The following CD38 variants were observed in gnomAD, a reference collection of about 807,000 sequenced individuals.
The protein encoded by CD38 is CD38 molecule, also known as ADP-ribosyl cyclase/cyclic ADP-ribose hydrolase 1.
A neutral mutation model predicts 36.3 loss-of-function variants in CD38; 31 were observed. That is an observed-to-expected ratio of 0.85 (90% CI 0.64 to 1.15). The LOEUF is 1.15. CD38 is among the 50% of genes most tolerant of loss of function. The probability of loss-of-function intolerance (pLI) is 0.00; values close to 1 mark genes in which losing one functional copy is unlikely to be tolerated. For synonymous variants in CD38, 131 were observed against 135.2 expected, an observed-to-expected ratio of 0.97 and a Z score of 0.22; for missense variants, 380 against 371.9, an observed-to-expected ratio of 1.02 and a Z score of -0.18.
intron 3 of CD38, among the ~76,000 whole-genome samples, chr4:15,833,164 C>A (rs1351396110): frequency 6.6e-6 from 1 of 152,162 alleles, no homozygotes; most frequent in Non-Finnish European, 1.5e-5. Flanking sequence ...GAAATGCTAT[C>A]CAAGAGCCAC....
At chr4:15,802,491 G>GTTCTATTTTATTTTA (rs1723248405) in intron 1 of CD38, among the ~76,000 whole-genome samples, 1 of 134,110 alleles carries the variant, frequency 7.5e-6, no homozygotes, top group Non-Finnish European at 1.6e-5. Context: ...GCAATTGTTT[G>GTTCTATTTTATTTTA]TTTTATTTTA....
rs569036346 is a variant in CD38 at position 15,781,668 on chromosome 4, C to T, written c.233+3021C>T. 9.9e-5 allele frequency among the ~76,000 whole-genome samples: 15 copies of T among 152,252 alleles called. No homozygotes were observed. In the East Asian group the frequency reaches 1.4e-3, roughly 14 times the overall value. ...TTATGAAGGGTAACATGCTTTACAC[C>T]GAGTCTCCTGACTTAAAATCTAAAA... is the stretch of plus-strand genomic sequence containing the variant. On this transcript the variant is annotated intron_variant, in intron 1 of 7. Coordinates refer to ENST00000226279, the MANE Select transcript of CD38 (RefSeq NM_001775.4).
rs532802770 is a variant in CD38 at position 15,848,744 on chromosome 4, T to C, written c.*142T>C. The C allele has an allele frequency of 4.7e-5, 27 of 571,242 alleles. No homozygotes were observed. In the South Asian group the frequency reaches 6.9e-4, roughly 15 times the overall value. The allele number at this position is 571,242 out of a possible 1,614,324, so 35.4% of individuals were successfully genotyped here. On this transcript the variant is annotated 3_prime_UTR_variant, in exon 8 of 8. Coordinates refer to ENST00000226279, the MANE Select transcript of CD38 (RefSeq NM_001775.4). ...TCAATGCCAGAGACGGAAGCCTTTT[T>C]CCCCAAAGTCTTAAAATAACTTATA... is the stretch of plus-strand genomic sequence containing the variant.
At chr4:15,839,863 G>A (rs149280856) in intron 5 of CD38, among the ~76,000 whole-genome samples, 163 bp from the exon 6 acceptor site, 76 of 152,160 alleles carry the variant, frequency 5.0e-4, no homozygotes, top group African/African-American at 1.8e-3. Flanking sequence ...TTAACCGAGG[G>A]TCATGCTGAA....
chr4:15,822,959 G>C (rs1374095680), intron 2 of CD38, among the ~76,000 whole-genome samples: 2 of 151,988 alleles, frequency 1.3e-5, no homozygotes, highest in African/African-American at 4.8e-5. Context: ...TGCCAAAATA[G>C]CATGGTACTT....
At chr4:15,819,114 CTCA>C (rs1723676189) in intron 2 of CD38, among the ~76,000 whole-genome samples, 1 of 111,826 alleles carries the variant, frequency 8.9e-6, no homozygotes, top group Non-Finnish European at 2.4e-5. Context: ...CATGTTCTCA[CTCA>C]TAAGTGGGAG....
intron 1 of CD38, among the ~76,000 whole-genome samples, chr4:15,804,909 G>A (rs933324208): frequency 6.6e-6 from 1 of 151,964 alleles, no homozygotes; most frequent in Non-Finnish European, 1.5e-5. Flanking sequence ...GTACTGAGAG[G>A]AGAAAATTTT....
intron 1 of CD38, among the ~76,000 whole-genome samples, chr4:15,782,808 A>G (rs750900159): frequency 5.9e-5 from 9 of 152,108 alleles, no homozygotes; most frequent in South Asian, 2.1e-4. Context: ...TTTTCCAAAC[A>G]TCTCTCAACA....
chr4:15,823,221 C>A (rs1003264702), intron 2 of CD38, among the ~76,000 whole-genome samples: 1 of 152,126 alleles, frequency 6.6e-6, no homozygotes, highest in South Asian at 2.1e-4. Context: ...ACTATAAAAA[C>A]CTTAGAAGAA....
At chr4:15,799,017 G>C (rs138643680) in intron 1 of CD38, among the ~76,000 whole-genome samples, 1 of 152,114 alleles carries the variant, frequency 6.6e-6, no homozygotes, top group African/African-American at 2.4e-5. Flanking sequence ...ATTTACTAAA[G>C]ATTTAAATAT....
At position 15,849,867 on chromosome 4, in the gene CD38, A is replaced by G. The variant is rs1256830983; in HGVS notation, c.*1265A>G. On this transcript the variant is annotated 3_prime_UTR_variant, in exon 8 of 8. Coordinates refer to ENST00000226279, the MANE Select transcript of CD38 (RefSeq NM_001775.4). ...TTGTATACATAGATTTTAGGACGAT[A>G]TATTTTCCCTTGAGTTCTGCTTTAG... 6.6e-6 allele frequency: 1 copy of G among 152,098 alleles called. No individual in the cohort carries two copies. Among genetic ancestry groups the G allele is most frequent in the African/African-American group, 2.4e-5 (1 of 41,404 alleles). The allele number at this position is 152,098 out of a possible 1,614,324, so 9.4% of individuals were successfully genotyped here. A position where few individuals can be genotyped will look rare whatever the true frequency, so the allele number is the denominator to read the frequency against.
At chr4:15,819,012 A>G (rs1723673177) in intron 2 of CD38, among the ~76,000 whole-genome samples, 1 of 152,212 alleles carries the variant, frequency 6.6e-6, no homozygotes, top group Non-Finnish European at 1.5e-5. Context: ...GCCCCTAAAA[A>G]GAGATGAGTT....
chr4:15,790,474 G>C (rs1178645236), intron 1 of CD38, among the ~76,000 whole-genome samples: 1 of 148,466 alleles, frequency 6.7e-6, no homozygotes, highest in Admixed American at 6.7e-5. Flanking sequence ...TCGTTCACTC[G>C]GTGCTCGGTG....
chr4:15,818,711 GGGAGGAACCCA>G (rs1723663575), intron 2 of CD38, among the ~76,000 whole-genome samples: 1 of 152,142 alleles, frequency 6.6e-6, no homozygotes, highest in Admixed American at 6.5e-5. Context: ...CTTCAGGTGC[GGGAGGAACCCA>G]GGTGAATAGG....
In CD38 at chr4:15,816,632, T is replaced by C; in HGVS notation, c.355T>C (p.Cys119Arg). 2 of 1,613,840 alleles carry C rather than the reference T, an allele frequency of 1.2e-6. No individual in the cohort carries two copies. Among genetic ancestry groups the C allele is most frequent in the East Asian group, 2.2e-5 (1 of 44,852 alleles). Residue 119 changes from cysteine to arginine, a missense_variant, in exon 2 of 8, where the codon TGC becomes CGC. Transcript: ENST00000226279. ...LMKLGTQTVP[C>R]NKILLWSRIK... ...GAAGTTGGGAACTCAGACCGTACCT[T>C]GCAACAAGGTAATTGGGGGCATGCC...
At chr4:15,783,761 CTTT>C (rs1056640142) in intron 1 of CD38, among the ~76,000 whole-genome samples, 1 of 152,148 alleles carries the variant, frequency 6.6e-6, no homozygotes, top group Non-Finnish European at 1.5e-5. Flanking sequence ...ATGTCGATTT[CTTT>C]TTTATTTAAC....
intron 1 of CD38, among the ~76,000 whole-genome samples, chr4:15,801,200 A>G (rs1235111867): frequency 1.3e-5 from 2 of 152,044 alleles, no homozygotes; most frequent in Admixed American, 6.6e-5. Context: ...CTGGGCACCT[A>G]CAACCTACCA....
At chr4:15,780,518 T>TCACACACACA (rs59324393) in intron 1 of CD38, among the ~76,000 whole-genome samples, 2 of 140,028 alleles carry the variant, frequency 1.4e-5, no homozygotes, top group Non-Finnish European at 3.0e-5. Flanking sequence ...ATTCTCTCTC[T>TCACACACACA]CACACACACA....
chr4:15,817,570 C>G (rs899577753), intron 2 of CD38, among the ~76,000 whole-genome samples: 13 of 152,248 alleles, frequency 8.5e-5, no homozygotes, highest in African/African-American at 3.1e-4. Context: ...AGTTAATTTC[C>G]CTAGCACCCC....
Sources: gnomAD v4.1 joint callset for allele counts (sites outside exome capture counted in the v4.1 genomes callset) on GRCh38, gnomAD v4.1.1 for gene constraint, MANE v1.5 for transcripts, NCBI Gene and HGNC (gene_info 2026-07-23, HGNC 2026-07-21) for gene names.